The following PPEF1 variants were observed in gnomAD, a reference collection of about 807,000 sequenced individuals.
PPEF1 encodes the protein serine/threonine-protein phosphatase with EF-hands 1.
Under a neutral mutation model 53.3 loss-of-function variants are expected in PPEF1, and 12 were observed. The observed-to-expected ratio is 0.23, with a 90% confidence interval of 0.14 to 0.36. The LOEUF (loss-of-function observed/expected upper bound fraction) is 0.36. Ranked by LOEUF, PPEF1 falls within the 10% of genes least tolerant of loss-of-function variation. The pLI is 1.00. For synonymous variants in PPEF1, 165 were observed against 176.7 expected, an observed-to-expected ratio of 0.93 and a Z score of 0.52; for missense variants, 334 against 490.4, an observed-to-expected ratio of 0.68 and a Z score of 3.01.
intron 12 of PPEF1, among the ~76,000 whole-genome samples, chrX:18,817,067 CATGTGTGTGTGT>C (rs1171579412): frequency 6.9e-4 from 34 of 49,149 alleles, no homozygotes; most frequent in African/African-American, 1.9e-3. Flanking sequence ...ATCATTTTGC[CATGTGTGTGTGT>C]GTGTGTGTGT....
intron 9 of PPEF1, among the ~76,000 whole-genome samples, chrX:18,788,270 A>G (rs1271617041): frequency 2.2e-5 from 2 of 89,930 alleles, no homozygotes; most frequent in East Asian, 3.4e-4. Context: ...GCGCCACTGC[A>G]CTCCAGCCTG....
chrX:18,762,485 A>C (rs2045686447), intron 6 of PPEF1, among the ~76,000 whole-genome samples: 1 of 112,043 alleles, frequency 8.9e-6, no homozygotes, highest in East Asian at 2.8e-4. Context: ...TCGCACAAGA[A>C]AGAATTCAGG....
chrX:18,714,200 G>A (rs893565046), intron 1 of PPEF1, among the ~76,000 whole-genome samples: 12 of 110,538 alleles, frequency 1.1e-4, no homozygotes, highest in African/African-American at 3.9e-4. Context: ...CTGAATAAAG[G>A]GTTATTATTC....
chrX:18,761,040 C>G (rs1334485292), intron 5 of PPEF1, among the ~76,000 whole-genome samples: 1 of 110,902 alleles, frequency 9.0e-6, no homozygotes, highest in African/African-American at 3.3e-5. Flanking sequence ...CTTGGCCTCC[C>G]AAAGTGCTGG....
intron 3 of PPEF1, among the ~76,000 whole-genome samples, chrX:18,748,932 A>T (rs980302612): frequency 8.9e-6 from 1 of 111,905 alleles, no homozygotes; most frequent in Non-Finnish European, 1.9e-5. Flanking sequence ...GGGGAAACAC[A>T]CTCTTGACGG....
At chrX:18,677,428 C>T (rs1285442334) in intron 1 of PPEF1, among the ~76,000 whole-genome samples, 2 of 111,814 alleles carry the variant, frequency 1.8e-5, no homozygotes, top group Non-Finnish European at 3.8e-5. Flanking sequence ...ACCACAATCT[C>T]TTACATCTGA....
chrX:18,725,818 C>A (rs1478826493), intron 1 of PPEF1, among the ~76,000 whole-genome samples: 1 of 111,026 alleles, frequency 9.0e-6, no homozygotes, highest in Non-Finnish European at 1.9e-5. Flanking sequence ...AAGTAGAAGA[C>A]AGAGGGGACC....
chrX:18,821,102 A>G (rs971171643), intron 13 of PPEF1, among the ~76,000 whole-genome samples: 5 of 107,621 alleles, frequency 4.6e-5, no homozygotes, highest in Non-Finnish European at 9.6e-5. Flanking sequence ...GGGCGCCTGT[A>G]GTCCCAGCTA....
chrX:18,714,982 T>C (rs777375489), intron 1 of PPEF1, among the ~76,000 whole-genome samples: 1 of 112,208 alleles, frequency 8.9e-6, no homozygotes, highest in Non-Finnish European at 1.9e-5. Flanking sequence ...ACCACAGTAC[T>C]CTGCCTCTGG....
At chrX:18,743,197 T>C (rs2147431438) in intron 3 of PPEF1, among the ~76,000 whole-genome samples, 1 of 111,570 alleles carries the variant, frequency 9.0e-6, no homozygotes, top group Non-Finnish European at 1.9e-5. Flanking sequence ...GGATAGAAGT[T>C]TGGGGTTATA....
chrX:18,733,868 G>C, intron 3 of PPEF1, 60 bp downstream of exon 3: 1 of 961,140 alleles, frequency 1.0e-6, no homozygotes. Context: ...TCTTCATCAA[G>C]AGCGGTAAAT....
intron 6 of PPEF1, among the ~76,000 whole-genome samples, chrX:18,768,048 C>T (rs2045811808): frequency 8.9e-6 from 1 of 112,182 alleles, no homozygotes; most frequent in South Asian, 3.7e-4. Context: ...ATACCTGACT[C>T]TGGTTCACTG....
chrX:18,764,971 G>C (rs2045738843), intron 6 of PPEF1, among the ~76,000 whole-genome samples: 1 of 111,868 alleles, frequency 8.9e-6, no homozygotes, highest in African/African-American at 3.2e-5. Flanking sequence ...ACTGGAAGGT[G>C]CTAATGTAAA....
chrX:18,789,024 G>A lies in PPEF1; in HGVS notation c.913-97G>A, dbSNP rs2046276005. The A allele has an allele frequency of 3.9e-6, 4 of 1,025,710 alleles. No homozygotes were observed. In the African/African-American group the frequency reaches 5.7e-5, roughly 15 times the overall value. The allele number at this position is 1,025,710 out of a possible 1,213,427, so 84.5% of individuals were successfully genotyped here. ...GACCGTGTGTTTTTCATTGGGTTGT[G>A]GCACCACAACATAGAAAGAATCCCA... On this transcript the variant is annotated intron_variant, in intron 9 of 15. Coordinates refer to ENST00000470157, the MANE Select transcript of PPEF1 (RefSeq NM_001377996.1).
upstream of PPEF1, among the ~76,000 whole-genome samples, chrX:18,679,904 C>T (rs1048459286): frequency 9.1e-6 from 1 of 110,213 alleles, no homozygotes. Context: ...GTCTGGCCAG[C>T]ATGATGAAAT....
chrX:18,690,535 C>T (rs1929314950), intron 3 of PPEF1, among the ~76,000 whole-genome samples: 1 of 110,362 alleles, frequency 9.1e-6, no homozygotes, highest in African/African-American at 3.3e-5. Flanking sequence ...CGCCACCATG[C>T]CCAGCTAATT....
intron 10 of PPEF1, among the ~76,000 whole-genome samples, chrX:18,798,775 C>T (rs2046483947): frequency 9.0e-6 from 1 of 111,134 alleles, no homozygotes; most frequent in African/African-American, 3.3e-5. Context: ...AGGCATCTGC[C>T]ACCACGTCCG....
At chrX:18,805,931 T>A (rs1003886275) in intron 11 of PPEF1, among the ~76,000 whole-genome samples, 10 of 108,875 alleles carry the variant, frequency 9.2e-5, no homozygotes, top group African/African-American at 2.0e-4. Context: ...TCCCTTATTC[T>A]AGCCACTGCA....
At chrX:18,782,235 A>G (rs1208308102) in intron 7 of PPEF1, 131 bp from the exon 8 acceptor site, 3 of 535,724 alleles carry the variant, frequency 5.6e-6, no homozygotes, top group Non-Finnish European at 9.4e-6. Flanking sequence ...GGTAAGTAAC[A>G]CTTCCAACTG....
Sources: gnomAD v4.1 joint callset for allele counts (sites outside exome capture counted in the v4.1 genomes callset) on GRCh38, gnomAD v4.1.1 for gene constraint, MANE v1.5 for transcripts, NCBI Gene and HGNC (gene_info 2026-07-23, HGNC 2026-07-21) for gene names.